Variants in VSTM2L observed in about 807,000 individuals in gnomAD.
The protein encoded by VSTM2L is V-set and transmembrane domain containing 2 like, also known as V-set and transmembrane domain-containing protein 2-like protein.
A neutral mutation model predicts 19.9 loss-of-function variants in VSTM2L; 9 were observed. The ratio of observed to expected loss-of-function variants is 0.45; its 90% CI spans 0.27 to 0.79. The LOEUF (loss-of-function observed/expected upper bound fraction) is 0.79. VSTM2L is among the 30% of genes least tolerant of loss of function. The pLI, the probability that VSTM2L is intolerant of heterozygous loss-of-function variation, is 0.15. For missense variants in VSTM2L, 286 were observed against 295.5 expected, an observed-to-expected ratio of 0.97 and a Z score of 0.24; for synonymous variants, 127 against 133.8, an observed-to-expected ratio of 0.95 and a Z score of 0.35.
At chr20:37,934,392 CAAGGTTT>C (rs1246279234) in intron 3 of VSTM2L, among the ~76,000 whole-genome samples, 1 of 152,126 alleles carries the variant, frequency 6.6e-6, no homozygotes, top group Non-Finnish European at 1.5e-5. Flanking sequence ...TGCAACGAGG[CAAGGTTT>C]GTGCATGGGG....
At chr20:37,934,281 G>A (rs988997485) in intron 3 of VSTM2L, among the ~76,000 whole-genome samples, 1 of 152,190 alleles carries the variant, frequency 6.6e-6, no homozygotes. Context: ...TGAAGGAGGG[G>A]GCACCCAAAG....
At chr20:37,934,191 G>T (rs2072926750) in intron 3 of VSTM2L, among the ~76,000 whole-genome samples, 4 of 152,230 alleles carry the variant, frequency 2.6e-5, no homozygotes, top group Admixed American at 2.6e-4. Context: ...TGGCTTCAGG[G>T]CTGAAGCTCT....
At chr20:37,939,890 C>G (rs372787180) in intron 3 of VSTM2L, among the ~76,000 whole-genome samples, 6 of 152,174 alleles carry the variant, frequency 3.9e-5, no homozygotes, top group Admixed American at 2.6e-4. Context: ...CTGCCCTCCT[C>G]CTCTCTGAGA....
chr20:37,918,531 C>T (rs1239748249), intron 1 of VSTM2L, among the ~76,000 whole-genome samples: 5 of 152,080 alleles, frequency 3.3e-5, no homozygotes, highest in Admixed American at 6.5e-5. Flanking sequence ...TTACAGTTAC[C>T]CTCTATTTAT....
At position 37,903,380 on chromosome 20, in the gene VSTM2L, C is replaced by T; in HGVS notation, c.30C>T (p.Gly10=). 1.3e-6 allele frequency: 2 copies of T among 1,483,376 alleles called. No homozygotes were observed. The highest frequency in any genetic ancestry group is 1.8e-6 in the Non-Finnish European group (2 of 1,123,144). The allele number at this position is 1,483,376 out of a possible 1,614,324, so 91.9% of individuals were successfully genotyped here. A position where few individuals can be genotyped will look rare whatever the true frequency, so the allele number is the denominator to read the frequency against. Residue 10 remains glycine (G), a synonymous_variant, in exon 1 of 4, where the codon GGC becomes GGT. Coordinates refer to ENST00000373461, the MANE Select transcript of VSTM2L (RefSeq NM_080607.3). ...GGGCCCCGCTCGCCGTAGCGCTGGG[C>T]GCCCTCCACTACCTGGCACTTTTCC... is the stretch of plus-strand genomic sequence containing the variant. The part of the protein sequence containing the change: MGAPLAVAL[G]ALHYLALFLQ...
At chr20:37,925,241 T>G (rs1452825683) in intron 1 of VSTM2L, among the ~76,000 whole-genome samples, 1 of 151,950 alleles carries the variant, frequency 6.6e-6, no homozygotes, top group African/African-American at 2.4e-5. Flanking sequence ...TCAAGGCCCC[T>G]CCTCTCCCAT....
At chr20:37,917,096 G>A (rs1398787814) in intron 1 of VSTM2L, among the ~76,000 whole-genome samples, 1 of 152,136 alleles carries the variant, frequency 6.6e-6, no homozygotes, top group Admixed American at 6.5e-5. Flanking sequence ...GGCGGATCAC[G>A]AGGTCAGGAG....
At chr20:37,935,866 G>C (rs2072936691) in intron 3 of VSTM2L, among the ~76,000 whole-genome samples, 1 of 149,410 alleles carries the variant, frequency 6.7e-6, no homozygotes, top group Non-Finnish European at 1.5e-5. Flanking sequence ...GCCAATGTGT[G>C]TGTGAACCCA....
At chr20:37,908,716 T>A (rs1166864835) in intron 1 of VSTM2L, among the ~76,000 whole-genome samples, 1 of 151,918 alleles carries the variant, frequency 6.6e-6, no homozygotes, top group East Asian at 1.9e-4. Context: ...GGCGGGAGGA[T>A]CACGTGAGCC....
chr20:37,931,536 G>T, intron 1 of VSTM2L, 99 bp from the exon 2 acceptor site: 1 of 505,694 alleles, frequency 2.0e-6, no homozygotes, highest in South Asian at 2.4e-5. Flanking sequence ...CCCATCCCCC[G>T]CCGTGCAGGG....
rs900950329 is a variant in VSTM2L, at chr20:37,943,912, C to A, written c.343-69C>A. The A allele has an allele frequency of 2.9e-5, 18 of 618,532 alleles. 5 individuals are homozygous for A. The highest frequency in any genetic ancestry group is 1.7e-4 in the East Asian group (4 of 22,896). The allele number at this position is 618,532 out of a possible 1,614,324, so 38.3% of individuals were successfully genotyped here. A position where few individuals can be genotyped will look rare whatever the true frequency, so the allele number is the denominator to read the frequency against. Reference sequence around the variant, plus strand: ...GTCCTAGCATGCGATCTTGGGACCCCCCCCCCCGACTCTTCTTCTCCCCCA... The same window carrying A: ...GTCCTAGCATGCGATCTTGGGACCCACCCCCCCGACTCTTCTTCTCCCCCA... On this transcript the variant is annotated intron_variant, in intron 3 of 3. Transcript: ENST00000373461.
chr20:37,918,850 T>C (rs368240013), intron 1 of VSTM2L, among the ~76,000 whole-genome samples: 2 of 152,154 alleles, frequency 1.3e-5, no homozygotes, highest in Non-Finnish European at 2.9e-5. Flanking sequence ...GAGCCTATCT[T>C]TCTCCTAGGA....
intron 1 of VSTM2L, among the ~76,000 whole-genome samples, chr20:37,920,749 G>A (rs989761645): frequency 3.3e-5 from 5 of 152,230 alleles, no homozygotes; most frequent in Non-Finnish European, 7.3e-5. Context: ...GTCCCCCCAG[G>A]AAACTCCAAT....
chr20:37,931,829 A>G (rs774919850), intron 2 of VSTM2L, 25 bp downstream of exon 2: 37 of 1,606,644 alleles, frequency 2.3e-5, no homozygotes, highest in Non-Finnish European at 2.9e-5. Flanking sequence ...GAGATGCCCA[A>G]GCTGGGCTGG....
chr20:37,940,638 A>C (rs1025623372), intron 3 of VSTM2L, among the ~76,000 whole-genome samples: 6 of 152,244 alleles, frequency 3.9e-5, no homozygotes, highest in Non-Finnish European at 7.3e-5. Context: ...CAGTTTCACC[A>C]TCTGCAAAGT....
chr20:37,903,182 C>G lies in VSTM2L; in HGVS notation c.-169C>G, dbSNP rs2072730631. On this transcript the variant is annotated 5_prime_UTR_variant, in exon 1 of 4. Transcript: ENST00000373461. ...TCGCTCCCCGAAGCCGGGGCTGGGCCGGAGCCGGGCGAGGGCTGGGAGCTG... is the reference window on the plus strand; with the variant it reads ...TCGCTCCCCGAAGCCGGGGCTGGGCGGGAGCCGGGCGAGGGCTGGGAGCTG... 1.1e-6 allele frequency: 1 copy of G among 915,398 alleles called. No homozygotes were observed. Among genetic ancestry groups the G allele is most frequent in the Non-Finnish European group, 1.4e-6 (1 of 711,646 alleles). 56.7% of individuals were successfully genotyped at this position (915,398 alleles called of 1,614,324 possible).
chr20:37,916,443 A>G (rs897662207), intron 1 of VSTM2L, among the ~76,000 whole-genome samples: 1 of 152,214 alleles, frequency 6.6e-6, no homozygotes, highest in Non-Finnish European at 1.5e-5. Context: ...CTCAACTCCC[A>G]CAATCCTGCA....
rs2072731012 is a variant in VSTM2L at position 37,903,217 on chromosome 20, C to T, written c.-134C>T. On this transcript the variant is annotated 5_prime_UTR_variant, in exon 1 of 4. Transcript: ENST00000373461. ...CGAGGGCTGGGAGCTGGGCCGGGTC[C>T]GGGGACAGCGGGCGAGGGGCAGCTG... is the stretch of plus-strand genomic sequence containing the variant. 2 of 1,148,436 alleles carry T rather than the reference C, an allele frequency of 1.7e-6. No homozygotes were observed. The highest frequency in any genetic ancestry group is 2.2e-6 in the Non-Finnish European group (2 of 914,656). 71.1% of individuals were successfully genotyped at this position (1,148,436 alleles called of 1,614,324 possible). A position where few individuals can be genotyped will look rare whatever the true frequency, so the allele number is the denominator to read the frequency against.
intron 1 of VSTM2L, among the ~76,000 whole-genome samples, chr20:37,920,674 C>T (rs2072845204): frequency 6.6e-6 from 1 of 152,184 alleles, no homozygotes; most frequent in Non-Finnish European, 1.5e-5. Context: ...TCACTTAGGA[C>T]CTCCCTGCTT....
Sources: gnomAD v4.1 joint callset for allele counts (sites outside exome capture counted in the v4.1 genomes callset) on GRCh38, gnomAD v4.1.1 for gene constraint, MANE v1.5 for transcripts, NCBI Gene and HGNC (gene_info 2026-07-23, HGNC 2026-07-21) for gene names.